SLC35F1: variants seen among roughly 807,000 people sequenced by gnomAD.
The protein encoded by SLC35F1 is solute carrier family 35 member F1.
Under a neutral mutation model 48.7 loss-of-function variants are expected in SLC35F1, and 14 were observed. The observed-to-expected ratio is 0.29, with a 90% CI of 0.19 to 0.45. SLC35F1 has a LOEUF of 0.45. Among genes scored for constraint, SLC35F1 ranks in the 20% least tolerant of loss-of-function variants. The pLI is 1.00. For synonymous variants in SLC35F1, 190 were observed against 202.2 expected (o/e 0.94, Z 0.51); for missense variants, 404 against 500.0 (o/e 0.81, Z 1.83).
At chr6:118,041,532 G>A (rs4510704) in intron 1 of SLC35F1, among the ~76,000 whole-genome samples, 78,257 of 151,774 alleles carry the variant, frequency 0.52, 20,961 homozygotes, top group Middle Eastern at 0.65. Flanking sequence ...TGGGATGGGG[G>A]TGGGGAGACA....
chr6:118,050,244 T>C (rs1199811853), intron 1 of SLC35F1, among the ~76,000 whole-genome samples: 4 of 151,908 alleles, frequency 2.6e-5, no homozygotes, highest in Admixed American at 2.0e-4. Context: ...AGGGATAGCA[T>C]TAGGAGATAT....
At position 118,029,436 on chromosome 6, in the gene SLC35F1, C is replaced by T. The variant is rs1044891547; in HGVS notation, c.173+121537C>T. Among the ~76,000 whole-genome samples, 3 of 152,122 alleles carry T rather than the reference C, an allele frequency of 2.0e-5. No individual in the cohort carries two copies. In the East Asian group the frequency reaches 5.8e-4, roughly 29 times the overall value. ...ATTACCATGTATTGCTAGAATTGTT[C>T]TATTTTATTATAAGTTATTGTTGTT... On this transcript the variant is annotated intron_variant, in intron 1 of 7. Transcript: ENST00000360388.
chr6:117,927,582 C>A (rs1216472642), intron 1 of SLC35F1, among the ~76,000 whole-genome samples: 1 of 152,176 alleles, frequency 6.6e-6, no homozygotes, highest in Non-Finnish European at 1.5e-5. Flanking sequence ...GCAGTGAGAA[C>A]ATTCTGCAGA....
chr6:118,167,627 T>C (rs1774338054), intron 2 of SLC35F1, among the ~76,000 whole-genome samples: 1 of 152,190 alleles, frequency 6.6e-6, no homozygotes, highest in Admixed American at 6.5e-5. Flanking sequence ...GAGCAGTTAC[T>C]ATGAATGGTG....
intron 1 of SLC35F1, among the ~76,000 whole-genome samples, chr6:118,139,129 T>C (rs550400398): frequency 6.6e-6 from 1 of 152,322 alleles, no homozygotes; most frequent in East Asian, 1.9e-4. Flanking sequence ...TTTTTGTTTT[T>C]TGAGACGGAG....
intron 6 of SLC35F1, among the ~76,000 whole-genome samples, chr6:118,278,916 A>G (rs1775949370): frequency 6.6e-6 from 1 of 152,206 alleles, no homozygotes; most frequent in South Asian, 2.1e-4. Flanking sequence ...TTCTGTTATA[A>G]TTCAGTGTTA....
At chr6:118,101,852 C>T (rs1773262777) in intron 1 of SLC35F1, among the ~76,000 whole-genome samples, 1 of 152,178 alleles carries the variant, frequency 6.6e-6, no homozygotes, top group South Asian at 2.1e-4. Flanking sequence ...CATGGGATTT[C>T]CTATTACACT....
chr6:118,068,652 A>T (rs1772653262), intron 1 of SLC35F1, among the ~76,000 whole-genome samples: 1 of 152,132 alleles, frequency 6.6e-6, no homozygotes, highest in Non-Finnish European at 1.5e-5. Flanking sequence ...TTTTTTCATT[A>T]TCCCCCCTTA....
At chr6:118,286,988 T>C (rs1776059376) in intron 7 of SLC35F1, among the ~76,000 whole-genome samples, 1 of 152,190 alleles carries the variant, frequency 6.6e-6, no homozygotes. Context: ...CTATTTTATA[T>C]GGAGCCTTTT....
intron 6 of SLC35F1, among the ~76,000 whole-genome samples, chr6:118,281,221 TAA>T (rs1554244303): frequency 2.0e-5 from 3 of 149,078 alleles, no homozygotes; most frequent in African/African-American, 4.9e-5. Context: ...TATATATATA[TAA>T]AATATTAACT....
At chr6:118,042,117 T>G (rs559217719) in intron 1 of SLC35F1, among the ~76,000 whole-genome samples, 9 of 152,250 alleles carry the variant, frequency 5.9e-5, no homozygotes, top group Non-Finnish European at 1.2e-4. Flanking sequence ...TCTTACATGA[T>G]ATATATATTT....
At chr6:118,010,523 C>T (rs931592317) in intron 1 of SLC35F1, among the ~76,000 whole-genome samples, 33 of 152,030 alleles carry the variant, frequency 2.2e-4, no homozygotes, top group African/African-American at 7.7e-4. Flanking sequence ...TAATTTTTGA[C>T]CCTTTTTAAG....
intron 1 of SLC35F1, among the ~76,000 whole-genome samples, chr6:118,126,522 C>T (rs6569002): frequency 0.74 from 111,150 of 151,028 alleles, 41,702 homozygotes; most frequent in Middle Eastern, 0.83. Flanking sequence ...GTGAAGAAAG[C>T]CATTGGTAGC....
chr6:118,266,947 C>T, intron 3 of SLC35F1, 48 bp from the exon 4 acceptor site: 1 of 1,601,734 alleles, frequency 6.2e-7, no homozygotes, highest in Non-Finnish European at 8.5e-7. Context: ...ACATGGAATG[C>T]TTCCTCCTGA....
intron 1 of SLC35F1, among the ~76,000 whole-genome samples, chr6:117,937,761 G>A (rs1582573706): frequency 6.6e-6 from 1 of 152,276 alleles, no homozygotes; most frequent in East Asian, 1.9e-4. Context: ...AGGTCCCAAT[G>A]TCTAAATTCT....
At chr6:118,176,817 C>T (rs867960726) in intron 2 of SLC35F1, among the ~76,000 whole-genome samples, 4 of 151,906 alleles carry the variant, frequency 2.6e-5, no homozygotes, top group Middle Eastern at 3.2e-3. Context: ...CCTTGGGATG[C>T]TTCCTCCTTT....
chr6:118,172,351 C>T (rs1774418611), intron 2 of SLC35F1, among the ~76,000 whole-genome samples: 1 of 152,064 alleles, frequency 6.6e-6, no homozygotes, highest in Non-Finnish European at 1.5e-5. Context: ...CCAAATGTAT[C>T]CTGCCTTTTT....
intron 1 of SLC35F1, among the ~76,000 whole-genome samples, chr6:118,110,815 A>G (rs1434357834): frequency 1.3e-5 from 2 of 152,148 alleles, no homozygotes; most frequent in East Asian, 3.9e-4. Flanking sequence ...AGCATTCTAT[A>G]GTCCTATGAT....
chr6:117,970,623 A>G (rs1466847951), intron 1 of SLC35F1, among the ~76,000 whole-genome samples: 1 of 152,192 alleles, frequency 6.6e-6, no homozygotes, highest in East Asian at 1.9e-4. Context: ...AAAGAAAAGG[A>G]GGTTTAATGG....
Sources: allele counts gnomAD v4.1 joint callset (sites outside exome capture counted in the v4.1 genomes callset), GRCh38; gene constraint gnomAD v4.1.1; transcripts MANE v1.5; gene names NCBI Gene and HGNC (gene_info 2026-07-23, HGNC 2026-07-21).